The following FBXL7 variants were observed in gnomAD, a reference collection of about 807,000 sequenced individuals.
FBXL7 encodes the protein F-box/LRR-repeat protein 7.
FBXL7 carries 12 observed loss-of-function variants against 38.3 expected under a neutral mutation model. That is an observed-to-expected ratio of 0.31 (90% confidence interval 0.20 to 0.51). FBXL7 has a LOEUF of 0.51. Ranked by LOEUF, FBXL7 falls within the 20% of genes least tolerant of loss-of-function variation. The probability of loss-of-function intolerance (pLI) is 0.98; values close to 1 mark genes in which losing one functional copy is unlikely to be tolerated. For synonymous variants in FBXL7, 297 were observed against 300.9 expected, an observed-to-expected ratio of 0.99 and a Z score of 0.13; for missense variants, 567 against 676.4, an observed-to-expected ratio of 0.84 and a Z score of 1.79.
At chr5:15,536,539 T>A (rs1237774896) in intron 1 of FBXL7, among the ~76,000 whole-genome samples, 1 of 152,228 alleles carries the variant, frequency 6.6e-6, no homozygotes, top group African/African-American at 2.4e-5. Context: ...TAAGATTTAA[T>A]GACTGCCCTG....
intron 2 of FBXL7, among the ~76,000 whole-genome samples, chr5:15,862,103 C>G (rs775881067): frequency 6.6e-6 from 1 of 152,052 alleles, no homozygotes; most frequent in Non-Finnish European, 1.5e-5. Context: ...GACTGTGTCC[C>G]CACCCAAATC....
At chr5:15,728,733 C>G (rs1217911809) in intron 2 of FBXL7, among the ~76,000 whole-genome samples, 2 of 152,118 alleles carry the variant, frequency 1.3e-5, no homozygotes, top group Non-Finnish European at 2.9e-5. Flanking sequence ...TTTTCAAAGG[C>G]TTGTACAGAC....
At chr5:15,856,036 T>C (rs373634888) in intron 2 of FBXL7, among the ~76,000 whole-genome samples, 1 of 152,182 alleles carries the variant, frequency 6.6e-6, no homozygotes, top group East Asian at 1.9e-4. Flanking sequence ...ATTTTCACAC[T>C]GCTGATAAAG....
intron 2 of FBXL7, among the ~76,000 whole-genome samples, chr5:15,800,520 C>G (rs1269721423): frequency 6.6e-6 from 1 of 152,206 alleles, no homozygotes; most frequent in Non-Finnish European, 1.5e-5. Flanking sequence ...AAAATGGTCA[C>G]TAATGTTGAT....
intron 2 of FBXL7, among the ~76,000 whole-genome samples, chr5:15,729,290 T>C (rs2126661054): frequency 6.6e-6 from 1 of 152,314 alleles, no homozygotes; most frequent in Non-Finnish European, 1.5e-5. Flanking sequence ...AATTGATTGT[T>C]CTGGATAATT....
At chr5:15,930,694 C>T (rs965799443) in intron 3 of FBXL7, among the ~76,000 whole-genome samples, 4 of 152,126 alleles carry the variant, frequency 2.6e-5, no homozygotes, top group African/African-American at 9.7e-5. Context: ...CCAATGACAA[C>T]AGTGATCTGT....
chr5:15,809,237 T>C (rs929231621), intron 2 of FBXL7, among the ~76,000 whole-genome samples: 3 of 152,134 alleles, frequency 2.0e-5, no homozygotes, highest in East Asian at 1.9e-4. Context: ...TATTTGAACG[T>C]TGAACTTTGG....
At chr5:15,785,406 AG>A (rs1737108389) in intron 2 of FBXL7, among the ~76,000 whole-genome samples, 3 of 152,202 alleles carry the variant, frequency 2.0e-5, no homozygotes, top group Admixed American at 2.0e-4. Flanking sequence ...CTCACAATAT[AG>A]GACAGGCTTT....
At chr5:15,654,025 C>T (rs1448479042) in intron 2 of FBXL7, among the ~76,000 whole-genome samples, 1 of 152,196 alleles carries the variant, frequency 6.6e-6, no homozygotes. Context: ...AGCAATGAAC[C>T]TGTCAACACA....
intron 1 of FBXL7, among the ~76,000 whole-genome samples, chr5:15,508,516 G>T (rs1215208090): frequency 6.6e-6 from 1 of 152,204 alleles, no homozygotes; most frequent in East Asian, 1.9e-4. Flanking sequence ...TAAGGAAAGA[G>T]TGAGCCCTCT....
intron 2 of FBXL7, among the ~76,000 whole-genome samples, chr5:15,861,676 G>A (rs1007286251): frequency 2.6e-5 from 4 of 152,204 alleles, no homozygotes; most frequent in African/African-American, 9.6e-5. Flanking sequence ...AGAAGAGAGA[G>A]AGCTGGTAGC....
chr5:15,641,502 ATTT>A (rs201635639), intron 2 of FBXL7, among the ~76,000 whole-genome samples: 8 of 143,278 alleles, frequency 5.6e-5, no homozygotes, highest in East Asian at 2.0e-4. Context: ...TATGACTGCC[ATTT>A]TTTTTTTTTT....
chr5:15,689,359 A>G (rs1579379854), intron 2 of FBXL7, among the ~76,000 whole-genome samples: 1 of 150,598 alleles, frequency 6.6e-6, no homozygotes, highest in Non-Finnish European at 1.5e-5. Context: ...TCCTTAGGTT[A>G]TATAATAGGT....
chr5:15,590,913 CTG>C (rs1739452748), intron 1 of FBXL7, among the ~76,000 whole-genome samples: 1 of 152,088 alleles, frequency 6.6e-6, no homozygotes, highest in African/African-American at 2.4e-5. Flanking sequence ...ATTTTATGTT[CTG>C]TCTCTTTTTC....
At chr5:15,529,087 C>T (rs184551125) in intron 1 of FBXL7, among the ~76,000 whole-genome samples, 4 of 152,288 alleles carry the variant, frequency 2.6e-5, no homozygotes, top group African/African-American at 7.2e-5. Context: ...CTTCTACCCC[C>T]GGCACCTGGT....
chr5:15,839,685 T>C (rs913102443), intron 2 of FBXL7, among the ~76,000 whole-genome samples: 5 of 152,192 alleles, frequency 3.3e-5, no homozygotes, highest in African/African-American at 1.2e-4. Flanking sequence ...AGGCGTTACA[T>C]TTAGGCTACA....
At chr5:15,604,545 G>C (rs1739936765) in intron 1 of FBXL7, among the ~76,000 whole-genome samples, 2 of 152,078 alleles carry the variant, frequency 1.3e-5, no homozygotes, top group Non-Finnish European at 1.5e-5. Context: ...AGTACAGACA[G>C]GGTTTCGCCA....
chr5:15,890,944 TAATC>T (rs1046309057), intron 2 of FBXL7, among the ~76,000 whole-genome samples: 21 of 133,508 alleles, frequency 1.6e-4, no homozygotes, highest in African/African-American at 3.9e-4. Context: ...TTTAAAAAGA[TAATC>T]TAGATAATTA....
intron 2 of FBXL7, among the ~76,000 whole-genome samples, chr5:15,683,776 A>G (rs77965022): frequency 1.1e-4 from 16 of 152,254 alleles, no homozygotes; most frequent in African/African-American, 3.9e-4. Context: ...TTCAGCACAT[A>G]ATATTACTGA....
Sources: gnomAD v4.1 joint callset for allele counts (sites outside exome capture counted in the v4.1 genomes callset) on GRCh38, gnomAD v4.1.1 for gene constraint, MANE v1.5 for transcripts, NCBI Gene and HGNC (gene_info 2026-07-23, HGNC 2026-07-21) for gene names.